Variants in HMG20A observed in about 807,000 individuals in gnomAD.
HMG20A encodes the protein high mobility group 20A.
In HMG20A, 17 loss-of-function variants were observed where a neutral mutation model predicts 43.9. The ratio of observed to expected loss-of-function variants is 0.39; its 90% CI spans 0.27 to 0.58. The LOEUF is 0.58. Ranked by LOEUF, HMG20A falls within the 20% of genes least tolerant of loss-of-function variation. HMG20A has a pLI of 0.59. For missense variants in HMG20A, 341 were observed against 438.2 expected (o/e 0.78, Z 1.98); for synonymous variants, 132 against 147.5 (o/e 0.89, Z 0.76).
chr15:77,459,731 TAGC>T (rs1476396069), intron 2 of HMG20A, among the ~76,000 whole-genome samples: 5 of 152,108 alleles, frequency 3.3e-5, no homozygotes, highest in Non-Finnish European at 5.9e-5. Context: ...GAGCAGCACA[TAGC>T]AGCAGGAGAG....
the HMG20A span, among the ~76,000 whole-genome samples, chr15:77,500,076 C>A: frequency 6.6e-6 from 1 of 152,144 alleles, no homozygotes; most frequent in Non-Finnish European, 1.5e-5. Context: ...AATGATCCAC[C>A]CGCCTCGGCC....
chr15:77,497,635 G>GAGAA, the HMG20A span, among the ~76,000 whole-genome samples: 1 of 150,448 alleles, frequency 6.6e-6, no homozygotes, highest in Non-Finnish European at 1.5e-5. Context: ...GCTGCTGCAG[G>GAGAA]AGAAAGAAAG....
In HMG20A at chr15:77,443,393, T is replaced by TTATTATTAG. The variant is rs1481185480; in HGVS notation, c.-4-15003_-4-15002insGTATTATTA. On this transcript the variant is annotated intron_variant, in intron 1 of 9. Transcript: ENST00000336216. ...ATGATGATGATGATTATTATTATTATTATTATTATTATTATTAAGTTAGGG... is the reference window on the plus strand; with the variant it reads ...ATGATGATGATGATTATTATTATTATTATTATTAGTATTATTATTATTATTAAGTTAGGG... Among the ~76,000 whole-genome samples the TTATTATTAG allele has an allele frequency of 2.7e-5, 4 of 147,498 alleles. No homozygotes were observed. The East Asian group carries it at 7.9e-4, about 29-fold the overall frequency.
At chr15:77,507,723 G>A in the HMG20A span, among the ~76,000 whole-genome samples, 1 of 152,212 alleles carries the variant, frequency 6.6e-6, no homozygotes. Flanking sequence ...GCACAAAAAT[G>A]TCCAGGTATT....
At chr15:77,443,458 C>A (rs1185209990) in intron 1 of HMG20A, among the ~76,000 whole-genome samples, 1 of 144,484 alleles carries the variant, frequency 6.9e-6, no homozygotes, top group East Asian at 2.1e-4. Flanking sequence ...GTGGCACGAT[C>A]TCACCTCACT....
At chr15:77,426,352 G>A (rs559352551) in intron 1 of HMG20A, among the ~76,000 whole-genome samples, 1 of 152,204 alleles carries the variant, frequency 6.6e-6, no homozygotes, top group East Asian at 1.9e-4. Context: ...CTTACCAATA[G>A]CATAAATAGT....
At chr15:77,515,388 A>T in the HMG20A span, among the ~76,000 whole-genome samples, 174 of 151,508 alleles carry the variant, frequency 1.1e-3, no homozygotes, top group African/African-American at 3.7e-3. Flanking sequence ...TTTTTTTTAA[A>T]AAAAGTTATC....
chr15:77,476,388 G>A (rs761792083), intron 6 of HMG20A, among the ~76,000 whole-genome samples: 7 of 151,726 alleles, frequency 4.6e-5, no homozygotes, highest in Non-Finnish European at 8.8e-5. Flanking sequence ...GGGAGGCTGA[G>A]GCAGGAGAAT....
chr15:77,464,580 C>CT, intron 3 of HMG20A, 193 bp downstream of exon 3: 1 of 460,620 alleles, frequency 2.2e-6, no homozygotes. Flanking sequence ...CAGGTAGACT[C>CT]TTTTTTCCCT....
intron 1 of HMG20A, among the ~76,000 whole-genome samples, chr15:77,436,825 G>A (rs573904031): frequency 1.3e-5 from 2 of 152,162 alleles, no homozygotes; most frequent in Non-Finnish European, 2.9e-5. Flanking sequence ...AAGCATAAAT[G>A]TCACATCATG....
At chr15:77,470,420 C>T (rs1023034748) in intron 4 of HMG20A, among the ~76,000 whole-genome samples, 1 of 152,204 alleles carries the variant, frequency 6.6e-6, no homozygotes, top group Non-Finnish European at 1.5e-5. Context: ...AGCTTCATTG[C>T]TCCAACCTCC....
At chr15:77,519,747 C>T in the HMG20A span, among the ~76,000 whole-genome samples, 1 of 152,152 alleles carries the variant, frequency 6.6e-6, no homozygotes. Context: ...ATTTTGTTGT[C>T]ATGGCAGGAA....
At chr15:77,436,498 G>T (rs1239735601) in intron 1 of HMG20A, among the ~76,000 whole-genome samples, 2 of 148,510 alleles carry the variant, frequency 1.3e-5, no homozygotes, top group Non-Finnish European at 3.0e-5. Flanking sequence ...TCACTCTGTT[G>T]CCCAGGCTGG....
At chr15:77,515,527 G>A in the HMG20A span, among the ~76,000 whole-genome samples, 1 of 151,996 alleles carries the variant, frequency 6.6e-6, no homozygotes, top group African/African-American at 2.4e-5. Flanking sequence ...GGGCTCAAGC[G>A]ATCCTCCTAC....
At chr15:77,505,951 C>T in the HMG20A span, among the ~76,000 whole-genome samples, 2 of 152,084 alleles carry the variant, frequency 1.3e-5, no homozygotes, top group East Asian at 3.9e-4. Context: ...CCAGGACAGC[C>T]CTTCTGGAAT....
chr15:77,457,990 T>C (rs1398756095), intron 1 of HMG20A, among the ~76,000 whole-genome samples: 1 of 152,186 alleles, frequency 6.6e-6, no homozygotes, highest in Admixed American at 6.5e-5. Flanking sequence ...CAATAACCCT[T>C]TGGGTTAAGT....
At chr15:77,493,429 A>C in the HMG20A span, among the ~76,000 whole-genome samples, 13 of 152,188 alleles carry the variant, frequency 8.5e-5, no homozygotes, top group Non-Finnish European at 1.8e-4. Flanking sequence ...GAAAAACAGC[A>C]AGAGATAGGA....
intron 4 of HMG20A, 104 bp downstream of exon 4, chr15:77,467,411 T>A: frequency 1.1e-6 from 1 of 945,290 alleles, no homozygotes; most frequent in South Asian, 1.6e-5. Context: ...TGCAGTTTTG[T>A]CACAGTGCCT....
downstream of HMG20A, among the ~76,000 whole-genome samples, chr15:77,488,969 G>A (rs1188384941): frequency 6.6e-6 from 1 of 152,146 alleles, no homozygotes; most frequent in Non-Finnish European, 1.5e-5. Flanking sequence ...CTGGGTTCAG[G>A]TCTGGATTCT....
Sources: allele counts gnomAD v4.1 joint callset (sites outside exome capture counted in the v4.1 genomes callset), GRCh38; gene constraint gnomAD v4.1.1; transcripts MANE v1.5; gene names NCBI Gene and HGNC (gene_info 2026-07-23, HGNC 2026-07-21).